Variants in ZNF148 observed in about 807,000 individuals in gnomAD.
ZNF148 encodes the protein zinc finger protein 148.
A neutral mutation model predicts 67.7 loss-of-function variants in ZNF148; 7 were observed. The ratio of observed to expected loss-of-function variants is 0.10; its 90% CI spans 0.06 to 0.19. The LOEUF (loss-of-function observed/expected upper bound fraction) is 0.19, where lower values mean the gene tolerates loss of function less well. Among genes scored for constraint, ZNF148 ranks in the 10% least tolerant of loss-of-function variants. The probability of loss-of-function intolerance (pLI) is 1.00; values close to 1 mark genes in which losing one functional copy is unlikely to be tolerated. For missense variants in ZNF148, 583 were observed against 947.1 expected, an observed-to-expected ratio of 0.62 and a Z score of 5.05; for synonymous variants, 333 against 330.7, an observed-to-expected ratio of 1.01 and a Z score of -0.08.
chr3:125,356,740 T>C (rs1263776202), intron 1 of ZNF148, among the ~76,000 whole-genome samples: 1 of 152,242 alleles, frequency 6.6e-6, no homozygotes, highest in Non-Finnish European at 1.5e-5. Context: ...CTTCAACTTT[T>C]GCATTTCCAA....
chr3:125,280,622 A>T (rs141868523), intron 5 of ZNF148, among the ~76,000 whole-genome samples: 2 of 151,776 alleles, frequency 1.3e-5, no homozygotes, highest in African/African-American at 4.8e-5. Context: ...TCAAGGCTGC[A>T]ATGAGCCATC....
intron 3 of ZNF148, among the ~76,000 whole-genome samples, chr3:125,317,443 G>A (rs1430639545): frequency 6.6e-6 from 1 of 151,920 alleles, no homozygotes; most frequent in Non-Finnish European, 1.5e-5. Flanking sequence ...AAGGATGTTT[G>A]CTACAACCCT....
At chr3:125,287,996 A>G (rs1938793300) in intron 5 of ZNF148, 107 bp downstream of exon 5, 4 of 1,529,078 alleles carry the variant, frequency 2.6e-6, no homozygotes, top group Non-Finnish European at 3.5e-6. Flanking sequence ...ACTAAACCAC[A>G]CAAGACTTCT....
chr3:125,232,714 G>A lies in ZNF148; in HGVS notation c.2012C>T (p.Pro671Leu). Residue 671 changes from proline (P) to leucine (L), a missense_variant, in exon 9 of 9, where the codon CCA becomes CTA. This residue lies in a region of ZNF148 where 158 missense variants were observed against 208.4 expected (regional missense o/e 0.76). Coordinates refer to ENST00000360647, the MANE Select transcript of ZNF148 (RefSeq NM_021964.3). The surrounding 1 kb of genome is among the most constrained non-coding windows in gnomAD (Gnocchi z 4.2). ...TATTAGTCCAAAGTGGGACTTATCT[G>A]GAGTTGTTCTTAGTGGAGAATTCAT... is the stretch of plus-strand genomic sequence containing the variant. ...SGMNSPLRTT[P>L]DKSHFGLIVG... 6.2e-7 allele frequency: 1 copy of A among 1,613,836 alleles called. No homozygotes were observed. The highest frequency in any genetic ancestry group is 8.5e-7 in the Non-Finnish European group (1 of 1,179,810).
At chr3:125,273,223 T>C (rs1337588970) in intron 7 of ZNF148, among the ~76,000 whole-genome samples, 2 of 152,224 alleles carry the variant, frequency 1.3e-5, no homozygotes, top group African/African-American at 4.8e-5. Context: ...AAAAATAAGA[T>C]GCTGTTATTA....
At chr3:125,333,936 G>T (rs898419826) in intron 1 of ZNF148, among the ~76,000 whole-genome samples, 1 of 152,132 alleles carries the variant, frequency 6.6e-6, no homozygotes, top group African/African-American at 2.4e-5. Context: ...GAGTTTTATT[G>T]TATCTATGCT....
At chr3:125,330,401 G>A (rs561277104) in intron 2 of ZNF148, among the ~76,000 whole-genome samples, 21 of 148,208 alleles carry the variant, frequency 1.4e-4, no homozygotes, top group Non-Finnish European at 2.5e-4. Flanking sequence ...CGCAGGTAGA[G>A]GGTGCAGTGA....
chr3:125,300,719 A>G lies in ZNF148; in HGVS notation c.334-12491T>C, dbSNP rs570678045. 2.0e-5 allele frequency among the ~76,000 whole-genome samples: 3 copies of G among 152,330 alleles called. No individual in the cohort carries two copies. The South Asian group carries it at 6.2e-4, about 32-fold the overall frequency. ...TTATGTGACTAGAGCATGATTTTTT[A>G]GATAGTTCCTACTTTATAAAATCTT... On this transcript the variant is annotated intron_variant, in intron 4 of 8. Coordinates refer to ENST00000360647, the MANE Select transcript of ZNF148 (RefSeq NM_021964.3).
intron 7 of ZNF148, among the ~76,000 whole-genome samples, chr3:125,241,677 CAT>C (rs1207908273): frequency 3.3e-5 from 5 of 152,188 alleles, no homozygotes; most frequent in Non-Finnish European, 5.9e-5. Flanking sequence ...AATCCTCTAT[CAT>C]TTCCCAACAT....
intron 4 of ZNF148, among the ~76,000 whole-genome samples, chr3:125,312,878 G>A (rs992846466): frequency 6.6e-6 from 1 of 152,048 alleles, no homozygotes; most frequent in African/African-American, 2.4e-5. Context: ...TCAAGCAAGC[G>A]GAGGATACAA....
At chr3:125,261,632 C>T (rs989858822) in intron 7 of ZNF148, among the ~76,000 whole-genome samples, 2 of 151,918 alleles carry the variant, frequency 1.3e-5, no homozygotes, top group Non-Finnish European at 2.9e-5. Flanking sequence ...AAGTACTAAA[C>T]GACATGAGGA....
intron 3 of ZNF148, among the ~76,000 whole-genome samples, chr3:125,317,698 C>CGT (rs1553708301): frequency 5.1e-4 from 53 of 103,328 alleles, no homozygotes; most frequent in African/African-American, 1.7e-3. Context: ...TACACACACA[C>CGT]ATATATATAT....
At chr3:125,350,277 C>G (rs149114879) in intron 1 of ZNF148, among the ~76,000 whole-genome samples, 2 of 152,214 alleles carry the variant, frequency 1.3e-5, no homozygotes, top group African/African-American at 4.8e-5. Flanking sequence ...TCTCCCAACT[C>G]AGCCTCCCAA....
chr3:125,279,258 A>AAAAAG lies in ZNF148; in HGVS notation c.460-12_460-11insCTTTT. On this transcript the variant is annotated splice_polypyrimidine_tract_variant and intron_variant, in intron 5 of 8. Transcript: ENST00000360647. ...ATTTATTGTAAGGATCTAGTTCAAA[A>AAAAAG]AAAAAAAGGCAAAAACAAAAGAAAT... The AAAAAG allele has an allele frequency of 6.6e-7, 1 of 1,523,778 alleles. No individual in the cohort carries two copies. The allele number at this position is 1,523,778 out of a possible 1,614,324, so 94.4% of individuals were successfully genotyped here. A position where few individuals can be genotyped will look rare whatever the true frequency, so the allele number is the denominator to read the frequency against.
chr3:125,293,423 C>T (rs1939122585), intron 4 of ZNF148, among the ~76,000 whole-genome samples: 2 of 152,158 alleles, frequency 1.3e-5, no homozygotes, highest in South Asian at 4.1e-4. Flanking sequence ...ACCCAACACA[C>T]CTAGCATCCA....
intron 4 of ZNF148, among the ~76,000 whole-genome samples, chr3:125,292,125 C>G (rs548592650): frequency 6.6e-6 from 1 of 152,178 alleles, no homozygotes; most frequent in Non-Finnish European, 1.5e-5. Flanking sequence ...AACAGGAAGA[C>G]TTCAAATTCC....
intron 4 of ZNF148, among the ~76,000 whole-genome samples, chr3:125,301,700 C>T (rs1939596141): frequency 6.6e-6 from 1 of 152,046 alleles, no homozygotes; most frequent in South Asian, 2.1e-4. Flanking sequence ...GAGTAAAGGA[C>T]TGTTAAGTTT....
intron 1 of ZNF148, among the ~76,000 whole-genome samples, chr3:125,367,805 T>C (rs1942746626): frequency 6.6e-6 from 1 of 152,194 alleles, no homozygotes; most frequent in African/African-American, 2.4e-5. Flanking sequence ...CCAAGTAATT[T>C]GTGGGGTACA....
intron 8 of ZNF148, 38 bp downstream of exon 8, chr3:125,234,173 T>G: frequency 7.2e-7 from 1 of 1,382,688 alleles, no homozygotes; most frequent in Non-Finnish European, 1.0e-6. Context: ...ATTGTATAAT[T>G]TAATTACAGT....
Sources: gnomAD v4.1 joint callset for allele counts (sites outside exome capture counted in the v4.1 genomes callset) on GRCh38, gnomAD v4.1.1 for gene constraint, gnomAD v4.1.1 regional missense constraint, Gnocchi (gnomAD v3.1) non-coding constraint, MANE v1.5 for transcripts, NCBI Gene and HGNC (gene_info 2026-07-23, HGNC 2026-07-21) for gene names.